PCDH15: variants seen among roughly 807,000 people sequenced by gnomAD.
The protein encoded by PCDH15 is protocadherin-15.
A neutral mutation model predicts 178.5 loss-of-function variants in PCDH15; 129 were observed. The ratio of observed to expected loss-of-function variants is 0.72; its 90% CI spans 0.63 to 0.84. PCDH15 has a LOEUF of 0.84. PCDH15 is among the 40% of genes least tolerant of loss of function. The pLI, the probability that PCDH15 is intolerant of heterozygous loss-of-function variation, is 0.00. For missense variants in PCDH15, 2,230 were observed against 2,099.9 expected (o/e 1.06, Z -1.21); for synonymous variants, 800 against 732.0 (o/e 1.09, Z -1.50).
chr10:54,075,442 A>G (rs2094324770), intron 17 of PCDH15, among the ~76,000 whole-genome samples: 1 of 152,124 alleles, frequency 6.6e-6, no homozygotes, highest in Admixed American at 6.5e-5. Context: ...TGATTTGCAA[A>G]TATTTTCTCC....
At chr10:54,290,991 G>T (rs1042890970) in intron 8 of PCDH15, among the ~76,000 whole-genome samples, 1 of 152,110 alleles carries the variant, frequency 6.6e-6, no homozygotes, top group Non-Finnish European at 1.5e-5. Flanking sequence ...AGATCAACAA[G>T]ACAGAAGGTT....
chr10:54,270,021 A>C (rs976065888), intron 8 of PCDH15, among the ~76,000 whole-genome samples: 1 of 152,066 alleles, frequency 6.6e-6, no homozygotes. Flanking sequence ...GGAAGTATTC[A>C]TTTATCTTTG....
At chr10:55,505,235 AT>A (rs998553389) in intron 2 of PCDH15, among the ~76,000 whole-genome samples, 2 of 151,492 alleles carry the variant, frequency 1.3e-5, no homozygotes, top group Non-Finnish European at 3.0e-5. Flanking sequence ...TTGACAATTA[AT>A]TTTAGTAATA....
chr10:53,995,357 A>C (rs1043140117), intron 21 of PCDH15: 1 of 438,362 alleles, frequency 2.3e-6, no homozygotes, highest in South Asian at 2.5e-5. Context: ...GATTAAGTGA[A>C]GCTTACAAAT....
chr10:55,059,178 T>C (rs1841373150), intron 2 of PCDH15, among the ~76,000 whole-genome samples: 2 of 152,148 alleles, frequency 1.3e-5, no homozygotes. Context: ...TTCTGAAATG[T>C]GTGGCTGAAG....
intron 2 of PCDH15, among the ~76,000 whole-genome samples, chr10:55,147,737 G>A (rs1210388217): frequency 4.7e-5 from 7 of 150,220 alleles, no homozygotes; most frequent in African/African-American, 1.7e-4. Context: ...ATGTATACAT[G>A]TGCCATGCTG....
intron 2 of PCDH15, among the ~76,000 whole-genome samples, chr10:54,617,733 T>A (rs1590568875): frequency 7.6e-6 from 1 of 131,352 alleles, no homozygotes. Context: ...GCCAAGATGG[T>A]GAAACCCCAA....
At chr10:55,585,925 G>C (rs373132977) in intron 2 of PCDH15, among the ~76,000 whole-genome samples, 1 of 151,948 alleles carries the variant, frequency 6.6e-6, no homozygotes. Flanking sequence ...TGTTTTCACC[G>C]TATGGGGTCT....
intron 21 of PCDH15, among the ~76,000 whole-genome samples, chr10:53,967,409 C>T (rs1337198516): frequency 6.6e-6 from 1 of 152,142 alleles, no homozygotes; most frequent in Non-Finnish European, 1.5e-5. Context: ...GCTGGAACTA[C>T]AGGTGCATGC....
chr10:55,468,737 T>C (rs1839893107), intron 2 of PCDH15, among the ~76,000 whole-genome samples: 1 of 152,194 alleles, frequency 6.6e-6, no homozygotes, highest in South Asian at 2.1e-4. Context: ...TTGAGATTTA[T>C]AGGTGGTATT....
chr10:54,513,818 G>C (rs1459948983), intron 3 of PCDH15, among the ~76,000 whole-genome samples: 1 of 152,084 alleles, frequency 6.6e-6, no homozygotes, highest in African/African-American at 2.4e-5. Context: ...TATGTACCTG[G>C]AGAAATTCTT....
chr10:54,845,726 C>T (rs966407909), intron 3 of PCDH15, among the ~76,000 whole-genome samples: 3 of 151,852 alleles, frequency 2.0e-5, no homozygotes, highest in Non-Finnish European at 2.9e-5. Context: ...AAGTGTAATA[C>T]GAATGGTAAG....
chr10:55,450,983 A>ATATATG (rs1283817973), intron 2 of PCDH15, among the ~76,000 whole-genome samples: 63 of 146,564 alleles, frequency 4.3e-4, no homozygotes, highest in Non-Finnish European at 7.0e-4. Flanking sequence ...ATATATATAT[A>ATATATG]TAGTATGATC....
chr10:55,194,993 A>T (rs1377474404), intron 1 of PCDH15, among the ~76,000 whole-genome samples: 1 of 151,946 alleles, frequency 6.6e-6, no homozygotes, highest in Non-Finnish European at 1.5e-5. Flanking sequence ...GCAGTAGCCA[A>T]ATTACACACA....
chr10:55,129,066 A>C (rs370824005), intron 2 of PCDH15, among the ~76,000 whole-genome samples: 20 of 152,136 alleles, frequency 1.3e-4, no homozygotes, highest in African/African-American at 4.6e-4. Context: ...CACAATTAAT[A>C]GTTCCTTTAT....
chr10:55,063,987 C>A (rs1329805497), intron 2 of PCDH15, among the ~76,000 whole-genome samples: 2 of 152,058 alleles, frequency 1.3e-5, no homozygotes, highest in Non-Finnish European at 2.9e-5. Flanking sequence ...TTAGATGAAG[C>A]AATCCTGAGT....
intron 2 of PCDH15, among the ~76,000 whole-genome samples, chr10:54,623,902 C>T (rs2093463582): frequency 6.6e-6 from 1 of 152,026 alleles, no homozygotes; most frequent in African/African-American, 2.4e-5. Context: ...GATTTGGAAA[C>T]TGTTGATGGT....
chr10:55,122,419 C>T (rs1238100365), intron 2 of PCDH15, among the ~76,000 whole-genome samples: 1 of 151,888 alleles, frequency 6.6e-6, no homozygotes, highest in East Asian at 1.9e-4. Context: ...GGATTTTTGA[C>T]AGTAATAAAA....
intron 1 of PCDH15, among the ~76,000 whole-genome samples, chr10:55,310,501 A>C (rs1167504837): frequency 1.3e-5 from 2 of 152,172 alleles, no homozygotes; most frequent in Non-Finnish European, 2.9e-5. Context: ...AAGAATTTTG[A>C]ATCTGAACTG....
Sources: allele counts gnomAD v4.1 joint callset (sites outside exome capture counted in the v4.1 genomes callset), GRCh38; gene constraint gnomAD v4.1.1; transcripts MANE v1.5; gene names NCBI Gene and HGNC (gene_info 2026-07-23, HGNC 2026-07-21).